Variants in SRD5A2 observed in about 807,000 individuals in gnomAD.
The protein encoded by SRD5A2 is 3-oxo-5-alpha-steroid 4-dehydrogenase 2.
A neutral mutation model predicts 27.4 loss-of-function variants in SRD5A2; 30 were observed. The observed-to-expected ratio is 1.10, with a 90% CI of 0.82 to 1.49. The LOEUF is 1.49. Among genes scored for constraint, SRD5A2 ranks in the 40% most tolerant of loss-of-function variants. The probability of loss-of-function intolerance (pLI) is 0.00; values close to 1 mark genes in which losing one functional copy is unlikely to be tolerated. For missense variants in SRD5A2, 348 were observed against 323.4 expected (o/e 1.08, Z -0.58); for synonymous variants, 141 against 133.6 (o/e 1.06, Z -0.38).
chr2:31,599,820 A>G, the SRD5A2 span, among the ~76,000 whole-genome samples: 1,242 of 151,968 alleles, frequency 8.2e-3, 18 homozygotes, highest in African/African-American at 0.028. Flanking sequence ...GAAGAAAACA[A>G]TGTAAAAGAT....
In SRD5A2 at chr2:31,531,528, GC is replaced by G. The variant is rs778129480; in HGVS notation, c.446-57del. 3.7e-5 allele frequency: 38 copies of G among 1,021,604 alleles called. 2 individuals are homozygous for G. Among genetic ancestry groups the G allele is most frequent in the Non-Finnish European group, 5.1e-5 (36 of 710,504 alleles). 63.3% of individuals were successfully genotyped at this position (1,021,604 alleles called of 1,614,324 possible). On this transcript the variant is annotated intron_variant, in intron 2 of 4. Coordinates refer to ENST00000622030, the MANE Select transcript of SRD5A2 (RefSeq NM_000348.4). The stretch of plus-strand genomic sequence containing the variant: ...TTTTTAAATGTGTCCAGATTGTGGT[GC>G]TTTTTTCACAAACTAAGCTAAAATG...
In SRD5A2 at chr2:31,539,820, G is replaced by A. The variant is rs184619105; in HGVS notation, c.282-6054C>T. ...TCTCTCAGCCAAACAGATATCAGTG[G>A]AGGACTAACAGGGAGCCAAAAACCC... is the stretch of plus-strand genomic sequence containing the variant. On this transcript the variant is annotated intron_variant, in intron 1 of 4. Transcript: ENST00000622030. Among the ~76,000 whole-genome samples the A allele has an allele frequency of 4.0e-3, 604 of 152,216 alleles. 3 individuals are homozygous for A. Among genetic ancestry groups the A allele is most frequent in the Non-Finnish European group, 6.0e-3 (411 of 68,022 alleles).
upstream of SRD5A2, among the ~76,000 whole-genome samples, chr2:31,582,842 A>G (rs1667104293): frequency 1.3e-5 from 2 of 152,294 alleles, no homozygotes; most frequent in Admixed American, 1.3e-4. Context: ...AAGCTGGCTC[A>G]TAGACTCAGT....
chr2:31,532,721 T>C (rs1665938088), intron 2 of SRD5A2, among the ~76,000 whole-genome samples: 1 of 149,566 alleles, frequency 6.7e-6, no homozygotes, highest in African/African-American at 2.5e-5. Flanking sequence ...TGATTTGATA[T>C]AAAACAAGGA....
the SRD5A2 span, among the ~76,000 whole-genome samples, chr2:31,638,999 C>G: frequency 1.3e-5 from 2 of 151,974 alleles, no homozygotes; most frequent in Non-Finnish European, 2.9e-5. Context: ...TTCCCCCCTT[C>G]TTTTCCTACT....
the SRD5A2 span, among the ~76,000 whole-genome samples, chr2:31,655,728 G>C: frequency 1.3e-5 from 2 of 152,034 alleles, no homozygotes; most frequent in African/African-American, 2.4e-5. Context: ...TCTCCCTAAG[G>C]GTAGGCAGAA....
intron 1 of SRD5A2, among the ~76,000 whole-genome samples, chr2:31,567,625 C>A (rs1311967143): frequency 6.6e-6 from 1 of 152,056 alleles, no homozygotes; most frequent in Non-Finnish European, 1.5e-5. Flanking sequence ...CACTGATGTA[C>A]TTTGTGTCAC....
At chr2:31,613,868 T>C in the SRD5A2 span, among the ~76,000 whole-genome samples, 1 of 152,148 alleles carries the variant, frequency 6.6e-6, no homozygotes, top group South Asian at 2.1e-4. Flanking sequence ...AACTCTCATT[T>C]ATAAAACCAT....
At chr2:31,527,719 C>CTT (rs892622412) in intron 4 of SRD5A2, 1 of 152,204 alleles carries the variant, frequency 6.6e-6, no homozygotes, top group Non-Finnish European at 1.5e-5. Flanking sequence ...TGTTATGACT[C>CTT]TTTTATGGGC....
the SRD5A2 span, among the ~76,000 whole-genome samples, chr2:31,607,888 G>A: frequency 6.6e-6 from 1 of 151,962 alleles, no homozygotes; most frequent in Non-Finnish European, 1.5e-5. Context: ...ATTAGCTCAT[G>A]AGGGTGGAGC....
the SRD5A2 span, among the ~76,000 whole-genome samples, chr2:31,640,215 T>C: frequency 6.6e-6 from 1 of 152,062 alleles, no homozygotes. Context: ...AATCTCTTTG[T>C]TCAATTTTTC....
chr2:31,614,227 C>CA, the SRD5A2 span, among the ~76,000 whole-genome samples: 1 of 152,210 alleles, frequency 6.6e-6, no homozygotes. Flanking sequence ...TTCCTAGATA[C>CA]AGTAGGGACA....
chr2:31,590,023 TGCA>T, the SRD5A2 span, among the ~76,000 whole-genome samples: 1 of 152,192 alleles, frequency 6.6e-6, no homozygotes, highest in Non-Finnish European at 1.5e-5. Context: ...ACATGTATAA[TGCA>T]GTAGAGGCAC....
At chr2:31,609,939 T>C in the SRD5A2 span, among the ~76,000 whole-genome samples, 1 of 152,110 alleles carries the variant, frequency 6.6e-6, no homozygotes, top group African/African-American at 2.4e-5. Flanking sequence ...GATGAATTCC[T>C]AGAAACCTGC....
Position 31,529,047 on chromosome 2 carries a change from G to A in SRD5A2, c.698+260C>T, listed in dbSNP as rs148470144. ...AACAAGACAGGCACAGGACCTTCCC[G>A]GCCGTCACCTCAGTTGCCTCTGTTT... On this transcript the variant is annotated intron_variant, in intron 4 of 4. Transcript: ENST00000622030. Among the ~76,000 whole-genome samples the A allele has an allele frequency of 2.0e-4, 31 of 152,334 alleles. No homozygotes were observed. The East Asian group carries it at 3.3e-3, about 16-fold the overall frequency.
chr2:31,662,316 G>T, the SRD5A2 span, among the ~76,000 whole-genome samples: 1 of 151,932 alleles, frequency 6.6e-6, no homozygotes, highest in Non-Finnish European at 1.5e-5. Flanking sequence ...TGTTTTGTGT[G>T]TTTGTTTATG....
At chr2:31,629,727 T>G in the SRD5A2 span, among the ~76,000 whole-genome samples, 2 of 152,130 alleles carry the variant, frequency 1.3e-5, no homozygotes, top group South Asian at 4.1e-4. Flanking sequence ...AAGTCTCTAC[T>G]CAACAGTTGC....
the SRD5A2 span, among the ~76,000 whole-genome samples, chr2:31,594,438 C>T: frequency 1.3e-5 from 2 of 152,040 alleles, no homozygotes; most frequent in Non-Finnish European, 2.9e-5. Flanking sequence ...AAAACAATAA[C>T]AGTTTAAAAA....
At chr2:31,573,017 T>C (rs991305192) in intron 1 of SRD5A2, among the ~76,000 whole-genome samples, 2 of 152,206 alleles carry the variant, frequency 1.3e-5, no homozygotes, top group South Asian at 2.1e-4. Context: ...AGACTGAGTA[T>C]ACAAAGTATA....
Sources: allele counts gnomAD v4.1 joint callset (sites outside exome capture counted in the v4.1 genomes callset), GRCh38; gene constraint gnomAD v4.1.1; transcripts MANE v1.5; gene names NCBI Gene and HGNC (gene_info 2026-07-23, HGNC 2026-07-21).